Variants in CBX6 observed in about 807,000 individuals in gnomAD.
CBX6 encodes the protein chromobox 6, also known as chromobox protein homolog 6.
CBX6 carries 7 observed loss-of-function variants against 28.4 expected under a neutral mutation model. The observed-to-expected ratio is 0.25, with a 90% CI of 0.14 to 0.46. The LOEUF is 0.46. CBX6 is among the 20% of genes least tolerant of loss of function. The pLI is 0.99. For missense variants in CBX6, 512 were observed against 606.1 expected (o/e 0.84, Z 1.63); for synonymous variants, 297 against 273.4 (o/e 1.09, Z -0.85).
chr22:38,866,769 T>G lies in CBX6; in HGVS notation c.679A>C (p.Met227Leu). The G allele has an allele frequency of 6.2e-7, 1 of 1,611,422 alleles. No individual in the cohort carries two copies. The highest frequency in any genetic ancestry group is 2.2e-5 in the East Asian group (1 of 44,760). The change falls in exon 5 of 5, where the codon ATG becomes CTG. Residue 227 changes from methionine (M) to leucine (L), a missense_variant. Physicochemically the swap from Met to Leu is conservative, Grantham distance 15 (BLOSUM62 2). Coordinates refer to ENST00000407418, the MANE Select transcript of CBX6 (RefSeq NM_014292.5). The surrounding 1 kb of genome is among the most constrained non-coding windows in gnomAD (Gnocchi z 7.5). ...ESVLRTQIRH[M>L]KFGAFALYKP... ...TACAGCGCAAAGGCGCCGAACTTCA[T>G]GTGGCGGATCTGTGTACGCAGGACG... is the stretch of plus-strand genomic sequence containing the variant.
In CBX6 at chr22:38,872,211, G is replaced by A; in HGVS notation, c.-21C>T. 1.5e-6 allele frequency: 2 copies of A among 1,366,014 alleles called. No individual in the cohort carries two copies. Among genetic ancestry groups the A allele is most frequent in the Non-Finnish European group, 1.9e-6 (2 of 1,038,618 alleles). 84.6% of individuals were successfully genotyped at this position (1,366,014 alleles called of 1,614,324 possible). ...TCCATCTTGCTCAGCGGCACCCACA[G>A]CCCATAATACTCCCTGCGCCCGCGG... On this transcript the variant is annotated 5_prime_UTR_variant, in exon 1 of 5. Coordinates refer to ENST00000407418, the MANE Select transcript of CBX6 (RefSeq NM_014292.5). The surrounding 1 kb of genome is among the most constrained non-coding windows in gnomAD (Gnocchi z 5.0).
Position 38,864,811 on chromosome 22 carries a change from GCTGGCCAGCGGGGCCCCGGTC to G in CBX6, c.*1377_*1397del, listed in dbSNP as rs1437396169. 1 of 152,428 alleles carries G rather than the reference GCTGGCCAGCGGGGCCCCGGTC, an allele frequency of 6.6e-6. No homozygotes were observed. Among genetic ancestry groups the G allele is most frequent in the Non-Finnish European group, 1.5e-5 (1 of 68,196 alleles). The allele number at this position is 152,428 out of a possible 1,614,324, so 9.4% of individuals were successfully genotyped here. A position where few individuals can be genotyped will look rare whatever the true frequency, so the allele number is the denominator to read the frequency against. On this transcript the variant is annotated 3_prime_UTR_variant, in exon 5 of 5. Coordinates refer to ENST00000407418, the MANE Select transcript of CBX6 (RefSeq NM_014292.5). The stretch of plus-strand genomic sequence containing the variant: ...ATGGAGACCCGGGAAGTGGCCCAGG[GCTGGCCAGCGGGGCCCCGGTC>G]CCAATTCTGGGACCAACACCCTCAT...
rs1241447672 is a variant in CBX6 at position 38,871,527 on chromosome 22, A to G, written c.199T>C (p.Tyr67His). ...TTGGGTCCCCTCTTCTTGGGCCCAT[A>G]CAGCTCACGCTCCCTCTCCCTGCGG... is the stretch of plus-strand genomic sequence containing the variant. ...FEQKEREREL[Y>H]GPKKRGPKPK... The change falls in exon 4 of 5, where the codon TAT (tyrosine) becomes CAT (histidine). Residue 67 changes from tyrosine (Y) to histidine (H), a missense_variant. Tyr to His is a moderately conservative substitution (Grantham distance 83). Transcript: ENST00000407418. This position sits in a 1 kb window ranked among gnomAD's most constrained non-coding sequence, Gnocchi z 5.6. 6.2e-7 allele frequency: 1 copy of G among 1,613,558 alleles called. No homozygotes were observed. Among genetic ancestry groups the G allele is most frequent in the Non-Finnish European group, 8.5e-7 (1 of 1,179,834 alleles).
In CBX6 at chr22:38,864,192, C is replaced by T. The variant is rs1036842248; in HGVS notation, c.*2017G>A. 6.6e-6 allele frequency: 1 copy of T among 152,016 alleles called. No individual in the cohort carries two copies. The highest frequency in any genetic ancestry group is 2.4e-5 in the African/African-American group (1 of 41,376). 9.4% of individuals were successfully genotyped at this position (152,016 alleles called of 1,614,324 possible). A position where few individuals can be genotyped will look rare whatever the true frequency, so the allele number is the denominator to read the frequency against. The stretch of plus-strand genomic sequence containing the variant: ...AGCTCTTTCTCCCCCGCCACCCCCC[C>T]ATAGGAATCCCACAATATTTTTTTC... On this transcript the variant is annotated 3_prime_UTR_variant, in exon 5 of 5. Coordinates refer to ENST00000407418, the MANE Select transcript of CBX6 (RefSeq NM_014292.5).
Position 38,870,710 on chromosome 22 carries a change from C to G in CBX6, c.246+770G>C, listed in dbSNP as rs2093180157. 1 of 152,254 alleles carries G rather than the reference C, an allele frequency of 6.6e-6. No homozygotes were observed. Among genetic ancestry groups the G allele is most frequent in the South Asian group, 2.1e-4 (1 of 4,840 alleles). The allele number at this position is 152,254 out of a possible 1,614,324, so 9.4% of individuals were successfully genotyped here. On this transcript the variant is annotated intron_variant, in intron 4 of 4. Coordinates refer to ENST00000407418, the MANE Select transcript of CBX6 (RefSeq NM_014292.5). The surrounding 1 kb of genome is among the most constrained non-coding windows in gnomAD (Gnocchi z 4.3). ...GGGCCCACTGAGTCCCACCTGCAGC[C>G]GTGCCTGCCACCTAGGGCCATCTTG... is the stretch of plus-strand genomic sequence containing the variant.
rs2093172329 is a variant in CBX6, at chr22:38,867,065, C to T, written c.383G>A (p.Arg128His). Residue 128 changes from arginine to histidine, a missense_variant, in exon 5 of 5, where the codon CGT becomes CAT. Around this residue, in one of 7 missense-constraint regions of CBX6, gnomAD observed 123 missense variants for 138.1 expected, o/e 0.89. Transcript: ENST00000407418. ...GCGGGGCAGGGGACGGCGGGACATA[C>T]GGTGGCAGCGGCGGATGTCCTTCTT... is the stretch of plus-strand genomic sequence containing the variant. ...RLKKDIRRCHRMSRRPLPRPD... is the reference protein window; with the variant it reads ...RLKKDIRRCHHMSRRPLPRPD... 6 of 1,603,936 alleles carry T rather than the reference C, an allele frequency of 3.7e-6. No individual in the cohort carries two copies. The highest frequency in any genetic ancestry group is 4.5e-5 in the East Asian group (2 of 44,482).
chr22:38,866,845 T>C lies in CBX6; in HGVS notation c.603A>G (p.Lys201=). The change falls in exon 5 of 5, where the codon AAA becomes AAG. Residue 201 remains lysine, a synonymous_variant. Coordinates refer to ENST00000407418, the MANE Select transcript of CBX6 (RefSeq NM_014292.5). The surrounding 1 kb of genome is among the most constrained non-coding windows in gnomAD (Gnocchi z 7.5). The part of the protein sequence containing the change: ...GQGAGALARP[K]VPSRNRVIGK... ...CTATAACGCGGTTCCGCGAGGGGAC[T>C]TTGGGGCGGGCCAGCGCCCCGGCCC... 1 of 1,611,246 alleles carries C rather than the reference T, an allele frequency of 6.2e-7. No homozygotes were observed.
At position 38,872,017 on chromosome 22, in the gene CBX6, G is replaced by A. The variant is rs2093183482; in HGVS notation, c.70-72C>T. ...CGGGGACGCGAGGAGGCGGCGGCGC[G>A]GGGCTGGGCGAGGGAGCCGGGCTAG... On this transcript the variant is annotated intron_variant, in intron 1 of 4. Transcript: ENST00000407418. This position sits in a 1 kb window ranked among gnomAD's most constrained non-coding sequence, Gnocchi z 5.0. 7.1e-7 allele frequency: 1 copy of A among 1,406,612 alleles called. No individual in the cohort carries two copies. The highest frequency in any genetic ancestry group is 2.6e-5 in the Admixed American group (1 of 37,872). The allele number at this position is 1,406,612 out of a possible 1,614,324, so 87.1% of individuals were successfully genotyped here. A position where few individuals can be genotyped will look rare whatever the true frequency, so the allele number is the denominator to read the frequency against.
chr22:38,865,878 C>T lies in CBX6; in HGVS notation c.*331G>A, dbSNP rs906395076. On this transcript the variant is annotated 3_prime_UTR_variant, in exon 5 of 5. Coordinates refer to ENST00000407418, the MANE Select transcript of CBX6 (RefSeq NM_014292.5). ...GCCAGGTTAGCACCGAGAAATCAGA[C>T]GCCGCACAGGAGAGCAGGAAGCAAG... 4 of 305,892 alleles carry T rather than the reference C, an allele frequency of 1.3e-5. No individual in the cohort carries two copies. In the Admixed American group the frequency reaches 1.4e-4, roughly 11 times the overall value. The allele number at this position is 305,892 out of a possible 1,614,324, so 18.9% of individuals were successfully genotyped here.
rs962351235 is a variant in CBX6 at position 38,864,953 on chromosome 22, C to T, written c.*1256G>A. The T allele has an allele frequency of 3.9e-5, 6 of 152,448 alleles. No individual in the cohort carries two copies. Among genetic ancestry groups the T allele is most frequent in the South Asian group, 2.1e-4 (1 of 4,832 alleles). 9.4% of individuals were successfully genotyped at this position (152,448 alleles called of 1,614,324 possible). On this transcript the variant is annotated 3_prime_UTR_variant, in exon 5 of 5. Transcript: ENST00000407418. ...GGGGCTGTGGCCTCTGCCACTGGCA[C>T]GGGTGCCTCAGCTCCCAGGCAGCAG... is the stretch of plus-strand genomic sequence containing the variant.
At chr22:38,867,242 C>G (rs1168653235) in intron 4 of CBX6, 41 bp from the exon 5 acceptor site, 1 of 1,510,352 alleles carries the variant, frequency 6.6e-7, no homozygotes, top group East Asian at 2.5e-5. Flanking sequence ...TCAGGACTGC[C>G]CGCTGACCTC....
chr22:38,871,593 CCCACTCCGCGCTG>C lies in CBX6; in HGVS notation c.180-60_180-48del. ...GGTTAAAAAGAGCCCCTTCCCGGGC[CCCACTCCGCGCTG>C]CCCTCCCCGGCTCTCCCGCTTCCCC... On this transcript the variant is annotated intron_variant, in intron 3 of 4. Coordinates refer to ENST00000407418, the MANE Select transcript of CBX6 (RefSeq NM_014292.5). The surrounding 1 kb of genome is among the most constrained non-coding windows in gnomAD (Gnocchi z 5.6). The C allele has an allele frequency of 6.2e-7, 1 of 1,612,498 alleles. No individual in the cohort carries two copies.
intron 4 of CBX6, chr22:38,869,630 G>C (rs1034838808): frequency 3.9e-5 from 6 of 152,082 alleles, no homozygotes; most frequent in African/African-American, 1.4e-4. Context: ...GTGGGACCTG[G>C]GTCTGCCTGA....
intron 4 of CBX6, 27 bp from the exon 5 acceptor site, chr22:38,867,228 G>GTGGGC: frequency 1.2e-5 from 6 of 518,854 alleles, no homozygotes; most frequent in East Asian, 5.0e-5. Flanking sequence ...GGGTGGGTGG[G>GTGGGC]ACCTCAGGAC....
chr22:38,866,236 G>A lies in CBX6; in HGVS notation c.1212C>T (p.Gly404=), dbSNP rs1383241031. The A allele has an allele frequency of 1.9e-6, 3 of 1,610,604 alleles. No homozygotes were observed. The highest frequency in any genetic ancestry group is 8.5e-7 in the Non-Finnish European group (1 of 1,178,264). ...VAAGVAGAAG[G]GGSIGASK ...ACTTGCTCGCCCCAATGCTGCCACC[G>A]CCCCCAGCGGCGCCTGCTACCCCAG... The change falls in exon 5 of 5, where the codon GGC becomes GGT. Residue 404 remains glycine (G), a synonymous_variant. Coordinates refer to ENST00000407418, the MANE Select transcript of CBX6 (RefSeq NM_014292.5). This position sits in a 1 kb window ranked among gnomAD's most constrained non-coding sequence, Gnocchi z 7.5.
chr22:38,865,882 G>A lies in CBX6; in HGVS notation c.*327C>T, dbSNP rs571169531. The A allele has an allele frequency of 2.4e-5, 8 of 330,458 alleles. No individual in the cohort carries two copies. The highest frequency in any genetic ancestry group is 9.0e-5 in the Admixed American group (2 of 22,148). The allele number at this position is 330,458 out of a possible 1,614,324, so 20.5% of individuals were successfully genotyped here. A position where few individuals can be genotyped will look rare whatever the true frequency, so the allele number is the denominator to read the frequency against. Reference sequence around the variant, plus strand: ...GGTTAGCACCGAGAAATCAGACGCCGCACAGGAGAGCAGGAAGCAAGCTAG... The same window carrying A: ...GGTTAGCACCGAGAAATCAGACGCCACACAGGAGAGCAGGAAGCAAGCTAG... On this transcript the variant is annotated 3_prime_UTR_variant, in exon 5 of 5. Coordinates refer to ENST00000407418, the MANE Select transcript of CBX6 (RefSeq NM_014292.5).
rs760750004 is a variant in CBX6 at position 38,866,398 on chromosome 22, G to A, written c.1050C>T (p.Ser350=). Residue 350 remains serine (S), a synonymous_variant, in exon 5 of 5, where the codon TCC becomes TCT. Coordinates refer to ENST00000407418, the MANE Select transcript of CBX6 (RefSeq NM_014292.5). This position sits in a 1 kb window ranked among gnomAD's most constrained non-coding sequence, Gnocchi z 7.5. The part of the protein sequence containing the change: ...PPTAPEPAGA[S]SEPEAGDWRP... ...GCCAGTCCCCAGCCTCGGGCTCGGA[G>A]GAGGCACCGGCGGGCTCAGGGGCCG... 1 of 1,613,130 alleles carries A rather than the reference G, an allele frequency of 6.2e-7. No individual in the cohort carries two copies.
rs569808552 is a variant in CBX6, at chr22:38,870,653, C to T, written c.246+827G>A. On this transcript the variant is annotated intron_variant, in intron 4 of 4. Transcript: ENST00000407418. This position sits in a 1 kb window ranked among gnomAD's most constrained non-coding sequence, Gnocchi z 4.3. ...ACCGGCTGTCGGGTGGGAGGGGGCCCTGAGGCATCCGTAGCACTACAGGAA... is the reference window on the plus strand; with the variant it reads ...ACCGGCTGTCGGGTGGGAGGGGGCCTTGAGGCATCCGTAGCACTACAGGAA... The T allele has an allele frequency of 3.9e-5, 6 of 152,364 alleles. No individual in the cohort carries two copies. Among genetic ancestry groups the T allele is most frequent in the Admixed American group, 3.9e-4 (6 of 15,306 alleles). The allele number at this position is 152,364 out of a possible 1,614,324, so 9.4% of individuals were successfully genotyped here. A position where few individuals can be genotyped will look rare whatever the true frequency, so the allele number is the denominator to read the frequency against.
At chr22:38,867,234 A>T in intron 4 of CBX6, 33 bp from the exon 5 acceptor site, 1 of 1,515,164 alleles carries the variant, frequency 6.6e-7, no homozygotes, top group Non-Finnish European at 8.8e-7. Context: ...GTGGGACCTC[A>T]GGACTGCCCG....
Sources: gnomAD v4.1 joint callset for allele counts on GRCh38, gnomAD v4.1.1 for gene constraint, gnomAD v4.1.1 regional missense constraint, Gnocchi (gnomAD v3.1) non-coding constraint, MANE v1.5 for transcripts, NCBI Gene and HGNC (gene_info 2026-07-23, HGNC 2026-07-21) for gene names.